CDC14B: variants seen among roughly 807,000 people sequenced by gnomAD.
The protein encoded by CDC14B is cell division cycle 14B.
A neutral mutation model predicts 64.2 loss-of-function variants in CDC14B; 22 were observed. That is an observed-to-expected ratio of 0.34 (90% confidence interval 0.24 to 0.49). The LOEUF is 0.49. Among genes scored for constraint, CDC14B ranks in the 20% least tolerant of loss-of-function variants. The pLI, the probability that CDC14B is intolerant of heterozygous loss-of-function variation, is 0.99. For synonymous variants in CDC14B, 191 were observed against 215.8 expected (o/e 0.89, Z 1.01); for missense variants, 498 against 629.9 (o/e 0.79, Z 2.24).
intron 1 of CDC14B, among the ~76,000 whole-genome samples, chr9:96,618,266 C>G (rs891658971): frequency 1.9e-4 from 29 of 152,210 alleles, no homozygotes; most frequent in African/African-American, 6.5e-4. Context: ...ACGCCACGCA[C>G]CGAGGTTGAC....
chr9:96,619,346 C>A lies in CDC14B; in HGVS notation c.33G>T (p.Trp11Cys). The A allele has an allele frequency of 2.4e-6, 3 of 1,251,502 alleles. No individual in the cohort carries two copies. The highest frequency in any genetic ancestry group is 3.4e-5 in the South Asian group (1 of 29,096). The allele number at this position is 1,251,502 out of a possible 1,614,324, so 77.5% of individuals were successfully genotyped here. ...GCCGCGAGCAGGGGGGCGCGGCGGC[C>A]CAGCTCGACCGCCGCTCGCTTTTCC... The part of the protein sequence containing the change: MKRKSERRSS[W>C]AAAPPCSRRC... The change falls in exon 1 of 14, where the codon TGG becomes TGT. Residue 11 changes from tryptophan to cysteine, a missense_variant. Trp to Cys is a radical substitution (Grantham distance 215). Transcript: ENST00000375241.
intron 12 of CDC14B, 132 bp downstream of exon 12, chr9:96,522,374 A>G: frequency 2.9e-6 from 2 of 685,362 alleles, no homozygotes; most frequent in Non-Finnish European, 5.3e-6. Flanking sequence ...GGTTTTAAAT[A>G]ACATAGGCAA....
chr9:96,596,260 G>T (rs1477290693), intron 1 of CDC14B, among the ~76,000 whole-genome samples: 4 of 151,642 alleles, frequency 2.6e-5, no homozygotes, highest in African/African-American at 9.7e-5. Flanking sequence ...TACTCAGGAG[G>T]CTGAGACAGG....
chr9:96,600,776 T>C (rs529591830), intron 1 of CDC14B, among the ~76,000 whole-genome samples: 95 of 152,242 alleles, frequency 6.2e-4, no homozygotes, highest in Non-Finnish European at 1.0e-3. Flanking sequence ...GTGCTGGGAT[T>C]ACAGGTGTGA....
intron 12 of CDC14B, among the ~76,000 whole-genome samples, chr9:96,521,907 T>G (rs1836787075): frequency 6.6e-6 from 1 of 152,254 alleles, no homozygotes. Flanking sequence ...CTAACAATCT[T>G]GGATGCTCCA....
At position 96,556,118 on chromosome 9, in the gene CDC14B, G is replaced by A. The variant is rs866478528; in HGVS notation, c.421-4246C>T. Among the ~76,000 whole-genome samples, 15 of 152,226 alleles carry A rather than the reference G, an allele frequency of 9.9e-5. No individual in the cohort carries two copies. The Middle Eastern group carries it at 0.017, about 173-fold the overall frequency. On this transcript the variant is annotated intron_variant, in intron 4 of 13. Transcript: ENST00000375241. ...TTCTGAAGCTTTATTTATATACTTA[G>A]AGAGCCTCTGTACAATTTAGAACCC...
chr9:96,574,235 T>C (rs773625025), intron 1 of CDC14B, among the ~76,000 whole-genome samples: 9 of 151,766 alleles, frequency 5.9e-5, no homozygotes, highest in Admixed American at 1.3e-4. Context: ...CAGTGTACTA[T>C]TGGCACAGAT....
At chr9:96,614,978 C>G (rs1022443928) in intron 1 of CDC14B, among the ~76,000 whole-genome samples, 1 of 152,066 alleles carries the variant, frequency 6.6e-6, no homozygotes, top group Non-Finnish European at 1.5e-5. Context: ...GTAGCTGGGA[C>G]TATAGGCACG....
At chr9:96,585,627 A>G (rs527424186) in intron 1 of CDC14B, among the ~76,000 whole-genome samples, 4 of 152,328 alleles carry the variant, frequency 2.6e-5, no homozygotes, top group African/African-American at 9.6e-5. Flanking sequence ...CAATTGTTGG[A>G]GAAGATGTAG....
chr9:96,494,622 A>AC (rs1833170297), intron 13 of CDC14B, among the ~76,000 whole-genome samples: 1 of 151,628 alleles, frequency 6.6e-6, no homozygotes, highest in Non-Finnish European at 1.5e-5. Flanking sequence ...AGGCTCTCAC[A>AC]CCCCCCACAG....
At chr9:96,512,014 G>T (rs1296155346) in intron 12 of CDC14B, among the ~76,000 whole-genome samples, 1 of 151,992 alleles carries the variant, frequency 6.6e-6, no homozygotes, top group African/African-American at 2.4e-5. Flanking sequence ...ACACCATTAA[G>T]AAGCCCAAAT....
intron 4 of CDC14B, among the ~76,000 whole-genome samples, chr9:96,556,612 T>C (rs1308656963): frequency 1.3e-5 from 2 of 152,284 alleles, no homozygotes; most frequent in East Asian, 3.9e-4. Context: ...ATATATATAA[T>C]GATCCTCAAT....
At chr9:96,530,138 G>A (rs886663098) in intron 9 of CDC14B, among the ~76,000 whole-genome samples, 2 of 152,094 alleles carry the variant, frequency 1.3e-5, no homozygotes, top group Admixed American at 6.5e-5. Flanking sequence ...AAATGAAACT[G>A]TATTCTTAGT....
intron 9 of CDC14B, among the ~76,000 whole-genome samples, chr9:96,532,777 G>A (rs1838688469): frequency 6.6e-6 from 1 of 152,010 alleles, no homozygotes. Flanking sequence ...CTCAGTTTTA[G>A]TACATTTCCA....
chr9:96,613,007 C>A (rs1330248934), intron 1 of CDC14B, among the ~76,000 whole-genome samples: 1 of 152,208 alleles, frequency 6.6e-6, no homozygotes, highest in East Asian at 1.9e-4. Flanking sequence ...CTAAGTAGCA[C>A]AGGACTAACT....
At chr9:96,565,044 A>G (rs1843717372) in intron 2 of CDC14B, among the ~76,000 whole-genome samples, 192 bp from the exon 3 acceptor site, 1 of 152,180 alleles carries the variant, frequency 6.6e-6, no homozygotes, top group African/African-American at 2.4e-5. Context: ...AAAATGCCAC[A>G]AGTGCTATAA....
At chr9:96,522,398 G>C (rs1233282119) in intron 12 of CDC14B, 108 bp downstream of exon 12, 2 of 767,184 alleles carry the variant, frequency 2.6e-6, no homozygotes, top group East Asian at 4.9e-5. Flanking sequence ...TTTCAAAGTG[G>C]CATCATGGGC....
rs901144110 is a variant in CDC14B at position 96,569,777 on chromosome 9, G to A, written c.161-4294C>T. On this transcript the variant is annotated intron_variant, in intron 1 of 13. Coordinates refer to ENST00000375241, the MANE Select transcript of CDC14B (RefSeq NM_033331.4). Reference sequence around the variant, plus strand: ...GTAGCTGGGATTACAGTCACATGCCGCCACTCCCAGCTAATTTTTAGTAAA... The same window carrying A: ...GTAGCTGGGATTACAGTCACATGCCACCACTCCCAGCTAATTTTTAGTAAA... 3.3e-5 allele frequency among the ~76,000 whole-genome samples: 5 copies of A among 151,964 alleles called. No homozygotes were observed. In the South Asian group the frequency reaches 8.3e-4, roughly 25 times the overall value.
chr9:96,569,107 T>C (rs1384049545), intron 1 of CDC14B, among the ~76,000 whole-genome samples: 1 of 152,090 alleles, frequency 6.6e-6, no homozygotes, highest in African/African-American at 2.4e-5. Flanking sequence ...TGTCTAGAAA[T>C]AGGGAATAAG....
Sources: allele counts gnomAD v4.1 joint callset (sites outside exome capture counted in the v4.1 genomes callset), GRCh38; gene constraint gnomAD v4.1.1; transcripts MANE v1.5; gene names NCBI Gene and HGNC (gene_info 2026-07-23, HGNC 2026-07-21).